The following JAK1 variants were observed in gnomAD, a reference collection of about 807,000 sequenced individuals.
JAK1 encodes the protein tyrosine-protein kinase JAK1.
JAK1 carries 16 observed loss-of-function variants against 136.6 expected under a neutral mutation model. That is an observed-to-expected ratio of 0.12 (90% CI 0.08 to 0.18). The LOEUF is 0.18. JAK1 is among the 10% of genes least tolerant of loss of function. The pLI, the probability that JAK1 is intolerant of heterozygous loss-of-function variation, is 1.00. For synonymous variants in JAK1, 492 were observed against 519.5 expected, an observed-to-expected ratio of 0.95 and a Z score of 0.72; for missense variants, 859 against 1,450.1, an observed-to-expected ratio of 0.59 and a Z score of 6.62.
chr1:64,869,005 T>C (rs1329005803), intron 6 of JAK1, among the ~76,000 whole-genome samples: 4 of 152,124 alleles, frequency 2.6e-5, no homozygotes, highest in Non-Finnish European at 5.9e-5. Flanking sequence ...AATGCAGTGA[T>C]AGACGACAGT....
rs1356478911 is a variant in JAK1 at position 64,999,174 on chromosome 1, T to G, written c.-78+45306A>C. 2.6e-5 allele frequency among the ~76,000 whole-genome samples: 4 copies of G among 152,196 alleles called. No homozygotes were observed. In the East Asian group the frequency reaches 7.7e-4, roughly 29 times the overall value. On this transcript the variant is annotated intron_variant, in intron 2 of 25. Coordinates refer to the JAK1 transcript ENST00000671954. ...TTTCATCATGACCTTGAAGGCTCTA[T>G]AAATCACTTTCTCCTGTTGCTATGT... is the stretch of plus-strand genomic sequence containing the variant.
intron 1 of JAK1, among the ~76,000 whole-genome samples, chr1:64,936,577 A>G (rs1260785841): frequency 1.3e-5 from 2 of 152,194 alleles, no homozygotes; most frequent in Non-Finnish European, 2.9e-5. Flanking sequence ...CACAAGTATG[A>G]CTGGAGAGGT....
rs986283768 is a variant in JAK1 at position 64,908,324 on chromosome 1, G to T, written c.-77-21983C>A. ...CCTCTCAAAATGATGCATCTATTCA[G>T]CTCTATCCTTATTCATCTCAACATG... On this transcript the variant is annotated intron_variant, in intron 1 of 24. Coordinates refer to ENST00000342505, the MANE Select transcript of JAK1 (RefSeq NM_002227.4). 2.6e-5 allele frequency among the ~76,000 whole-genome samples: 4 copies of T among 152,064 alleles called. No individual in the cohort carries two copies. The South Asian group carries it at 8.3e-4, about 32-fold the overall frequency.
intron 1 of JAK1, among the ~76,000 whole-genome samples, chr1:64,907,578 AC>A (rs2100245341): frequency 6.6e-6 from 1 of 152,306 alleles, no homozygotes; most frequent in Non-Finnish European, 1.5e-5. Context: ...AGGAAAAATA[AC>A]TAATGGGTGC....
rs1336988784 is a variant in JAK1 at position 64,955,905 on chromosome 1, A to AG, written c.-78+10427dup. Among the ~76,000 whole-genome samples, 9 of 152,356 alleles carry AG rather than the reference A, an allele frequency of 5.9e-5. No homozygotes were observed. The East Asian group carries it at 1.5e-3, about 26-fold the overall frequency. On this transcript the variant is annotated intron_variant, in intron 1 of 24. Transcript: ENST00000342505. ...GGAGAGATCAGGGTTAGTCTAAGGC[A>AG]GGGGGCAGCAGATCCTGGCCTGTGA... is the stretch of plus-strand genomic sequence containing the variant.
chr1:64,974,148 C>G (rs1646478353), intron 2 of JAK1: 1 of 152,146 alleles, frequency 6.6e-6, no homozygotes, highest in African/African-American at 2.4e-5. Flanking sequence ...ATGGGTATCA[C>G]ACATTTGGTA....
intron 1 of JAK1, among the ~76,000 whole-genome samples, chr1:64,906,597 C>T (rs933767691): frequency 7.9e-5 from 12 of 152,214 alleles, no homozygotes; most frequent in Non-Finnish European, 1.3e-4. Context: ...GATTTCTCGC[C>T]ACCTACACTG....
At chr1:64,999,189 T>C (rs1443105828) in intron 2 of JAK1, among the ~76,000 whole-genome samples, 1 of 152,226 alleles carries the variant, frequency 6.6e-6, no homozygotes, top group Non-Finnish European at 1.5e-5. Context: ...CACTTTCTCC[T>C]GTTGCTATGT....
At chr1:65,038,193 C>CTT (rs1390554574) in intron 2 of JAK1, among the ~76,000 whole-genome samples, 1 of 143,046 alleles carries the variant, frequency 7.0e-6, no homozygotes, top group South Asian at 2.2e-4. Flanking sequence ...TTTCTTTTTT[C>CTT]TTTTCTTTTT....
intron 14 of JAK1, among the ~76,000 whole-genome samples, chr1:64,845,965 C>A (rs1223009471): frequency 6.6e-6 from 1 of 152,234 alleles, no homozygotes; most frequent in Non-Finnish European, 1.5e-5. Flanking sequence ...CTGGGAACAA[C>A]CGCCACCACT....
At chr1:65,055,695 G>C (rs1214120212) in intron 1 of JAK1, among the ~76,000 whole-genome samples, 2 of 152,184 alleles carry the variant, frequency 1.3e-5, no homozygotes, top group Non-Finnish European at 2.9e-5. Flanking sequence ...TTAACCTGCT[G>C]GAACACCTTA....
intron 1 of JAK1, among the ~76,000 whole-genome samples, chr1:64,928,064 T>C (rs1479277634): frequency 6.6e-6 from 1 of 152,196 alleles, no homozygotes; most frequent in Non-Finnish European, 1.5e-5. Context: ...TGGGTCTCTC[T>C]ACCATGGGAG....
At chr1:64,940,642 GA>G (rs1287394141) in intron 1 of JAK1, among the ~76,000 whole-genome samples, 1 of 152,016 alleles carries the variant, frequency 6.6e-6, no homozygotes, top group African/African-American at 2.4e-5. Flanking sequence ...AAAAAATGAA[GA>G]AAATGAGGTT....
chr1:64,917,330 G>C (rs181539147), intron 1 of JAK1, among the ~76,000 whole-genome samples: 1 of 152,154 alleles, frequency 6.6e-6, no homozygotes, highest in Non-Finnish European at 1.5e-5. Context: ...TCAAGATACA[G>C]TTAGACATCA....
At chr1:64,986,101 A>G in intron 2 of JAK1, 1 of 877,310 alleles carries the variant, frequency 1.1e-6, no homozygotes, top group Non-Finnish European at 1.8e-6. Context: ...CATGGCCTCA[A>G]TCTAATTGTT....
chr1:64,940,569 G>A (rs1435408017), intron 1 of JAK1, among the ~76,000 whole-genome samples: 6 of 151,938 alleles, frequency 3.9e-5, no homozygotes, highest in African/African-American at 7.3e-5. Context: ...TGCCCACCTC[G>A]GCCTCCCAAA....
Position 64,983,388 on chromosome 1 carries a change from G to A in JAK1, c.-78+61092C>T, listed in dbSNP as rs371697070. 8.5e-5 allele frequency among the ~76,000 whole-genome samples: 13 copies of A among 152,190 alleles called. No individual in the cohort carries two copies. In the East Asian group the frequency reaches 2.1e-3, roughly 25 times the overall value. On this transcript the variant is annotated intron_variant, in intron 2 of 25. Coordinates refer to the JAK1 transcript ENST00000671954. ...CCGTGACCCTGAAGCAACAACACACGTTAGATAATAATCGTTCAGAAAAAA... is the reference window on the plus strand; with the variant it reads ...CCGTGACCCTGAAGCAACAACACACATTAGATAATAATCGTTCAGAAAAAA...
chr1:64,951,728 T>G (rs914947401), intron 1 of JAK1, among the ~76,000 whole-genome samples: 3 of 137,122 alleles, frequency 2.2e-5, no homozygotes, highest in Non-Finnish European at 3.1e-5. Flanking sequence ...GCTCGATCTC[T>G]GCTCACTGCA....
In JAK1 at chr1:64,844,968, T is replaced by C; in HGVS notation, c.2116-79A>G. 1 of 1,582,904 alleles carries C rather than the reference T, an allele frequency of 6.3e-7. No individual in the cohort carries two copies. ...TCCAACCCTGGTCCCTCAGGTCATC[T>C]CTTCCTACCCCCAGCTACAGCCAGA... On this transcript the variant is annotated intron_variant, in intron 15 of 24. Transcript: ENST00000342505. The surrounding 1 kb of genome is among the most constrained non-coding windows in gnomAD (Gnocchi z 5.7).
Sources: allele counts gnomAD v4.1 joint callset (sites outside exome capture counted in the v4.1 genomes callset), GRCh38; gene constraint gnomAD v4.1.1; non-coding constraint Gnocchi (gnomAD v3.1); transcripts MANE v1.5; gene names NCBI Gene and HGNC (gene_info 2026-07-23, HGNC 2026-07-21).